Variants in PSD3 observed in about 807,000 individuals in gnomAD.
The protein encoded by PSD3 is PH and SEC7 domain-containing protein 3.
Under a neutral mutation model 105.5 loss-of-function variants are expected in PSD3, and 49 were observed. The ratio of observed to expected loss-of-function variants is 0.46; its 90% CI spans 0.37 to 0.59. The LOEUF is 0.59. Ranked by LOEUF, PSD3 falls within the 20% of genes least tolerant of loss-of-function variation. The probability of loss-of-function intolerance (pLI) is 0.00; values close to 1 mark genes in which losing one functional copy is unlikely to be tolerated. For synonymous variants in PSD3, 557 were observed against 457.8 expected, an observed-to-expected ratio of 1.22 and a Z score of -2.77; for missense variants, 1,561 against 1,263.8, an observed-to-expected ratio of 1.24 and a Z score of -3.57.
intron 4 of PSD3, among the ~76,000 whole-genome samples, chr8:18,836,990 A>G (rs796817374): frequency 2.0e-5 from 3 of 151,820 alleles, no homozygotes; most frequent in African/African-American, 7.2e-5. Flanking sequence ...GACCTTGCTC[A>G]AATCAAGTTT....
At chr8:18,611,350 G>C (rs547145645) in intron 11 of PSD3, among the ~76,000 whole-genome samples, 1 of 151,912 alleles carries the variant, frequency 6.6e-6, no homozygotes, top group South Asian at 2.1e-4. Flanking sequence ...AATTTTGGAA[G>C]TCTCAAAACA....
chr8:18,961,614 C>A (rs1310049677), intron 1 of PSD3, among the ~76,000 whole-genome samples: 1 of 151,956 alleles, frequency 6.6e-6, no homozygotes, highest in East Asian at 1.9e-4. Context: ...TTGCTTCAAC[C>A]CAGGAGGCGG....
chr8:18,732,284 G>A (rs1472727630), intron 9 of PSD3, among the ~76,000 whole-genome samples: 3 of 152,154 alleles, frequency 2.0e-5, no homozygotes, highest in African/African-American at 4.8e-5. Flanking sequence ...CGGAGTCATA[G>A]AACTATCTGG....
chr8:18,883,758 C>G (rs1204738729), intron 2 of PSD3, among the ~76,000 whole-genome samples: 1 of 152,138 alleles, frequency 6.6e-6, no homozygotes, highest in African/African-American at 2.4e-5. Context: ...TGATAAGATA[C>G]TATGGAGAAT....
At chr8:18,659,937 G>C (rs1320120491) in intron 9 of PSD3, among the ~76,000 whole-genome samples, 1 of 152,222 alleles carries the variant, frequency 6.6e-6, no homozygotes, top group Non-Finnish European at 1.5e-5. Flanking sequence ...CTGGTAGTTA[G>C]AGCTAAGTGG....
intron 1 of PSD3, among the ~76,000 whole-genome samples, chr8:19,039,479 T>C (rs1828053517): frequency 6.6e-6 from 1 of 152,204 alleles, no homozygotes; most frequent in Non-Finnish European, 1.5e-5. Flanking sequence ...GATGCTATGA[T>C]GTCATGGAAA....
intron 10 of PSD3, among the ~76,000 whole-genome samples, chr8:18,647,653 ATT>A (rs202230990): frequency 0.014 from 1,686 of 124,412 alleles, 20 homozygotes; most frequent in Middle Eastern, 0.035. Flanking sequence ...CCAATACATG[ATT>A]TTTTTTTTTT....
intron 2 of PSD3, among the ~76,000 whole-genome samples, chr8:18,893,543 G>A (rs191848320): frequency 8.6e-5 from 13 of 151,614 alleles, no homozygotes; most frequent in East Asian, 3.9e-4. Flanking sequence ...GTCTAGTTTC[G>A]TCTCAAGTAT....
intron 1 of PSD3, among the ~76,000 whole-genome samples, chr8:18,946,753 A>T (rs1437315470): frequency 6.6e-6 from 1 of 151,594 alleles, no homozygotes; most frequent in African/African-American, 2.4e-5. Flanking sequence ...AAAAATACAA[A>T]AGTTAGCTAG....
intron 8 of PSD3, among the ~76,000 whole-genome samples, chr8:18,786,446 C>A (rs1180040483): frequency 6.6e-6 from 1 of 152,168 alleles, no homozygotes; most frequent in African/African-American, 2.4e-5. Context: ...ATACCTCATC[C>A]TAAATTCAGA....
rs1440194435 is a variant in PSD3 at position 18,535,103 on chromosome 8, C to T, written c.*640G>A. On this transcript the variant is annotated 3_prime_UTR_variant, in exon 16 of 16. Transcript: ENST00000327040. Reference sequence around the variant, plus strand: ...AAATGGAATCAGCACTTCAAGCAAGCTAATGTGCTTCCCTAAGTTCTCAAT... The same window carrying T: ...AAATGGAATCAGCACTTCAAGCAAGTTAATGTGCTTCCCTAAGTTCTCAAT... The T allele has an allele frequency of 1.3e-5, 2 of 152,750 alleles. No homozygotes were observed. Among genetic ancestry groups the T allele is most frequent in the Admixed American group, 6.5e-5 (1 of 15,298 alleles). 9.5% of individuals were successfully genotyped at this position (152,750 alleles called of 1,614,324 possible).
At chr8:18,950,973 T>C (rs1386191930) in intron 1 of PSD3, among the ~76,000 whole-genome samples, 1 of 152,206 alleles carries the variant, frequency 6.6e-6, no homozygotes, top group African/African-American at 2.4e-5. Context: ...TGCTGATTGC[T>C]AGATTGAATC....
At chr8:19,084,188 G>T (rs1474390083) in intron 1 of PSD3, 2 of 437,722 alleles carry the variant, frequency 4.6e-6, no homozygotes, top group East Asian at 1.4e-4. Context: ...CTGGGATTCA[G>T]GACATGCGAG....
At chr8:19,024,156 G>A (rs994518888) in intron 1 of PSD3, among the ~76,000 whole-genome samples, 1 of 152,098 alleles carries the variant, frequency 6.6e-6, no homozygotes, top group Non-Finnish European at 1.5e-5. Context: ...ATAATAAAAT[G>A]TTTTCAAAAG....
At chr8:18,755,477 C>CATAAT (rs1220915356) in intron 9 of PSD3, among the ~76,000 whole-genome samples, 38 of 151,808 alleles carry the variant, frequency 2.5e-4, no homozygotes, top group Non-Finnish European at 4.7e-4. Flanking sequence ...CATAACATAA[C>CATAAT]ATAACATAAA....
intron 1 of PSD3, among the ~76,000 whole-genome samples, chr8:19,001,283 T>TG (rs1563499850): frequency 6.6e-6 from 1 of 151,440 alleles, no homozygotes; most frequent in Non-Finnish European, 1.5e-5. Flanking sequence ...TTTGTAGAGG[T>TG]GGGGTCTCAC....
At position 19,069,134 on chromosome 8, in the gene PSD3, A is replaced by C. The variant is rs551020700; in HGVS notation, c.324+15072T>G. Reference sequence around the variant, plus strand: ...TAGCCACCCAGTGCGGTAATTATTTACTTTCAGCAGCGTGAATGCAAATGT... The same window carrying C: ...TAGCCACCCAGTGCGGTAATTATTTCCTTTCAGCAGCGTGAATGCAAATGT... On this transcript the variant is annotated intron_variant, in intron 1 of 1. Transcript: ENST00000521475. Among the ~76,000 whole-genome samples, 25 of 152,334 alleles carry C rather than the reference A, an allele frequency of 1.6e-4. No individual in the cohort carries two copies. In the South Asian group the frequency reaches 5.2e-3, roughly 32 times the overall value.
intron 15 of PSD3, among the ~76,000 whole-genome samples, chr8:18,551,566 T>C (rs1386311689): frequency 6.6e-6 from 1 of 152,214 alleles, no homozygotes; most frequent in Admixed American, 6.5e-5. Context: ...AGTTTTGTTA[T>C]AGTGGACATT....
intron 4 of PSD3, among the ~76,000 whole-genome samples, chr8:18,829,188 T>C (rs1813472838): frequency 1.3e-5 from 2 of 152,172 alleles, no homozygotes; most frequent in African/African-American, 2.4e-5. Context: ...TGTAGTAAGC[T>C]GTGATCATGC....
Sources: allele counts gnomAD v4.1 joint callset (sites outside exome capture counted in the v4.1 genomes callset), GRCh38; gene constraint gnomAD v4.1.1; transcripts MANE v1.5; gene names NCBI Gene and HGNC (gene_info 2026-07-23, HGNC 2026-07-21).